Variants in CNTLN observed in about 807,000 individuals in gnomAD.
CNTLN encodes centlein.
CNTLN carries 212 observed loss-of-function variants against 180.0 expected under a neutral mutation model. The ratio of observed to expected loss-of-function variants is 1.18; its 90% CI spans 1.05 to 1.32. The LOEUF (loss-of-function observed/expected upper bound fraction) is 1.32. CNTLN is among the 40% of genes most tolerant of loss of function. The pLI is 0.00. For synonymous variants in CNTLN, 722 were observed against 563.1 expected, an observed-to-expected ratio of 1.28 and a Z score of -3.99; for missense variants, 2,095 against 1,610.9, an observed-to-expected ratio of 1.30 and a Z score of -5.14.
At chr9:17,240,885 G>A (rs1825443304) in intron 5 of CNTLN, among the ~76,000 whole-genome samples, 1 of 151,982 alleles carries the variant, frequency 6.6e-6, no homozygotes, top group Admixed American at 6.6e-5. Flanking sequence ...TTGAGGTGGA[G>A]TCTCGCTCTG....
chr9:17,501,258 C>G (rs1384467487), intron 25 of CNTLN, among the ~76,000 whole-genome samples: 1 of 152,190 alleles, frequency 6.6e-6, no homozygotes, highest in African/African-American at 2.4e-5. Context: ...TTCTAGGGAA[C>G]AGACACAGAC....
At chr9:17,165,683 C>T (rs758761120) in intron 2 of CNTLN, among the ~76,000 whole-genome samples, 3 of 152,188 alleles carry the variant, frequency 2.0e-5, no homozygotes, top group Non-Finnish European at 4.4e-5. Flanking sequence ...TTAGGGACCT[C>T]AGGCATATCA....
intron 2 of CNTLN, among the ~76,000 whole-genome samples, chr9:17,174,579 C>A (rs1306718206): frequency 1.3e-5 from 2 of 151,922 alleles, no homozygotes; most frequent in Non-Finnish European, 2.9e-5. Context: ...GCCTGTAGTC[C>A]CAGCTACTCG....
chr9:17,430,328 T>C (rs982206428), intron 18 of CNTLN, among the ~76,000 whole-genome samples: 1 of 152,002 alleles, frequency 6.6e-6, no homozygotes, highest in African/African-American at 2.4e-5. Context: ...TTAATATCAT[T>C]AATATTACCA....
intron 2 of CNTLN, among the ~76,000 whole-genome samples, chr9:17,212,544 T>C (rs1823401415): frequency 6.6e-6 from 1 of 152,218 alleles, no homozygotes; most frequent in African/African-American, 2.4e-5. Flanking sequence ...TGCCCGGCTT[T>C]GGTATCAGGA....
intron 6 of CNTLN, among the ~76,000 whole-genome samples, chr9:17,274,166 T>C (rs991661023): frequency 6.6e-6 from 1 of 152,112 alleles, no homozygotes; most frequent in African/African-American, 2.4e-5. Flanking sequence ...ATGTGTTACA[T>C]GATGCTCATA....
At chr9:17,444,921 T>C (rs550455975) in intron 18 of CNTLN, among the ~76,000 whole-genome samples, 4 of 152,154 alleles carry the variant, frequency 2.6e-5, no homozygotes, top group South Asian at 2.1e-4. Context: ...TAATATAGTA[T>C]AGGTCAAAAC....
At chr9:17,363,474 A>C (rs1823567104) in intron 12 of CNTLN, among the ~76,000 whole-genome samples, 1 of 149,980 alleles carries the variant, frequency 6.7e-6, no homozygotes, top group Non-Finnish European at 1.5e-5. Flanking sequence ...TTTAAAAATG[A>C]CTTTCTTGCC....
intron 8 of CNTLN, among the ~76,000 whole-genome samples, chr9:17,315,219 C>A (rs1451057199): frequency 6.6e-6 from 1 of 151,960 alleles, no homozygotes; most frequent in African/African-American, 2.4e-5. Flanking sequence ...TAATGTCTTT[C>A]TTTTGCCTTT....
intron 5 of CNTLN, among the ~76,000 whole-genome samples, chr9:17,249,631 G>A (rs550256899): frequency 5.9e-5 from 9 of 152,084 alleles, no homozygotes; most frequent in African/African-American, 9.6e-5. Flanking sequence ...TTACAGGCAC[G>A]AGCTGCTGCA....
At chr9:17,443,350 C>T (rs150899083) in intron 18 of CNTLN, among the ~76,000 whole-genome samples, 385 of 152,084 alleles carry the variant, frequency 2.5e-3, no homozygotes, top group African/African-American at 8.9e-3. Context: ...CTCATATTCA[C>T]CAGCAATCAA....
intron 12 of CNTLN, among the ~76,000 whole-genome samples, chr9:17,343,793 A>C (rs1244850660): frequency 6.6e-6 from 1 of 151,262 alleles, no homozygotes. Flanking sequence ...ACCCCCCGCT[A>C]CTCTCCCCAC....
chr9:17,351,849 A>G (rs1323029950), intron 12 of CNTLN, among the ~76,000 whole-genome samples: 2 of 152,194 alleles, frequency 1.3e-5, no homozygotes, highest in African/African-American at 2.4e-5. Flanking sequence ...AGCAAATCTG[A>G]GTTCATTATA....
chr9:17,484,411 C>G lies in CNTLN; in HGVS notation c.3972C>G (p.Thr1324=), dbSNP rs1156882622. 1.2e-6 allele frequency: 2 copies of G among 1,611,870 alleles called. No individual in the cohort carries two copies. The highest frequency in any genetic ancestry group is 1.7e-5 in the Admixed American group (1 of 59,336). Residue 1324 remains threonine, a synonymous_variant, in exon 24 of 26, where the codon ACC becomes ACG. Transcript: ENST00000380647. ...AAACCTCAACCCATAAAGCCCAGAC[C>G]TTGGCAGCTTCTATCCTGAACATTT... ...ACKTSTHKAQ[T]LAASILNISR...
rs1821655222 is a variant in CNTLN at position 17,189,461 on chromosome 9, C to T, written c.450-36742C>T. On this transcript the variant is annotated intron_variant, in intron 2 of 25. Transcript: ENST00000380647. The stretch of plus-strand genomic sequence containing the variant: ...TTTCTAATCTAGGGTGAATTTAATC[C>T]CACTATTAAGCTTTTTGTTGTTGTT... Among the ~76,000 whole-genome samples, 3 of 150,148 alleles carry T rather than the reference C, an allele frequency of 2.0e-5. No homozygotes were observed. In the South Asian group the frequency reaches 6.3e-4, roughly 32 times the overall value.
chr9:17,419,422 G>GAT (rs1205062142), intron 18 of CNTLN, among the ~76,000 whole-genome samples: 2 of 152,066 alleles, frequency 1.3e-5, no homozygotes, highest in African/African-American at 4.8e-5. Context: ...CAGGTGTAAA[G>GAT]ATACGAGTAA....
intron 18 of CNTLN, among the ~76,000 whole-genome samples, chr9:17,441,833 T>C (rs954281563): frequency 3.3e-5 from 5 of 152,118 alleles, no homozygotes; most frequent in African/African-American, 1.2e-4. Flanking sequence ...GACACAGGCT[T>C]ATAGTGAAGG....
intron 23 of CNTLN, among the ~76,000 whole-genome samples, chr9:17,474,822 C>T (rs1399754944): frequency 6.6e-6 from 1 of 150,940 alleles, no homozygotes; most frequent in African/African-American, 2.4e-5. Context: ...GAGCCAAGAT[C>T]GCGCCACTGC....
At chr9:17,185,815 CAG>C (rs1427618154) in intron 2 of CNTLN, among the ~76,000 whole-genome samples, 1 of 109,196 alleles carries the variant, frequency 9.2e-6, no homozygotes, top group Non-Finnish European at 1.9e-5. Flanking sequence ...CTGTGTGTGT[CAG>C]GGTCCTGCTC....
Sources: allele counts gnomAD v4.1 joint callset (sites outside exome capture counted in the v4.1 genomes callset), GRCh38; gene constraint gnomAD v4.1.1; transcripts MANE v1.5; gene names NCBI Gene and HGNC (gene_info 2026-07-23, HGNC 2026-07-21).